ZNF564: variants seen among roughly 807,000 people sequenced by gnomAD.
ZNF564 encodes zinc finger protein 564.
ZNF564 carries 5 observed loss-of-function variants against 10.5 expected under a neutral mutation model. The observed-to-expected ratio is 0.48, with a 90% CI of 0.25 to 1.00. ZNF564 has a LOEUF of 1.00. Among genes scored for constraint, ZNF564 ranks in the 50% least tolerant of loss-of-function variants. The probability of loss-of-function intolerance (pLI) is 0.16; values close to 1 mark genes in which losing one functional copy is unlikely to be tolerated. For synonymous variants in ZNF564, 242 were observed against 218.1 expected (o/e 1.11, Z -0.97); for missense variants, 603 against 669.7 (o/e 0.90, Z 1.10).
At chr19:12,546,230 A>G in intron 1 of ZNF564, among the ~76,000 whole-genome samples, 1 of 152,210 alleles carries the variant, frequency 6.6e-6, no homozygotes, top group East Asian at 1.9e-4. Flanking sequence ...TGCAGAAATT[A>G]CACTCTGACT....
Position 12,526,665 on chromosome 19 carries a change from T to G in ZNF564, c.1443A>C (p.Glu481Asp), listed in dbSNP as rs778360398. The change falls in exon 4 of 4, where the codon GAA becomes GAC. Residue 481 changes from glutamate to aspartate, a missense_variant. Glu to Asp is a conservative substitution (Grantham distance 45). Coordinates refer to ENST00000339282, the MANE Select transcript of ZNF564 (RefSeq NM_144976.4). ...TGGCATAATTGAATGCTTTCCCACA[T>G]TCTTTACATTCATAGGGTTTTTCTC... is the stretch of plus-strand genomic sequence containing the variant. ...HTGEKPYECK[E>D]CGKAFNYASS... The G allele has an allele frequency of 2.5e-6, 4 of 1,614,062 alleles. No homozygotes were observed. In the African/African-American group the frequency reaches 5.3e-5, roughly 22 times the overall value.
At chr19:12,539,790 T>A (rs1213447181) in intron 1 of ZNF564, among the ~76,000 whole-genome samples, 16 of 150,956 alleles carry the variant, frequency 1.1e-4, no homozygotes, top group African/African-American at 2.7e-4. Flanking sequence ...CCTGGCTAAC[T>A]CGGTGAAACC....
In ZNF564 at chr19:12,527,082, A is replaced by G. The variant is rs190052583; in HGVS notation, c.1026T>C (p.Cys342=). The part of the protein sequence containing the change: ...TGEKPYECNK[C]GKTFSSSSNV... ...TACTGGAAGAACTGAAGGTTTTACC[A>G]CATTTATTACATTCATAGGGTTTCT... The change falls in exon 4 of 4, where the codon TGT becomes TGC. Residue 342 remains cysteine (C), a synonymous_variant. Coordinates refer to ENST00000339282, the MANE Select transcript of ZNF564 (RefSeq NM_144976.4). 3.1e-4 allele frequency: 498 copies of G among 1,614,124 alleles called. 6 individuals carry two copies. In the East Asian group the frequency reaches 6.7e-3, roughly 22 times the overall value.
At chr19:12,533,128 C>T (rs2021840388) in intron 1 of ZNF564, among the ~76,000 whole-genome samples, 1 of 152,002 alleles carries the variant, frequency 6.6e-6, no homozygotes, top group Admixed American at 6.6e-5. Flanking sequence ...TAAAACACAC[C>T]TTAATATGAA....
intron 1 of ZNF564, among the ~76,000 whole-genome samples, chr19:12,535,185 C>A (rs570259221): frequency 6.6e-6 from 1 of 151,854 alleles, no homozygotes; most frequent in Admixed American, 6.6e-5. Flanking sequence ...ACCAGCCTGA[C>A]CAAACGGTGA....
At chr19:12,548,115 T>A (rs2022187653) in intron 1 of ZNF564, 3 of 975,072 alleles carry the variant, frequency 3.1e-6, no homozygotes, top group Admixed American at 6.2e-5. Flanking sequence ...GTTTCACTTA[T>A]TTTTAAGTAA....
At chr19:12,528,742 A>G (rs1185148882) in intron 1 of ZNF564, 46 bp from the exon 2 acceptor site, 2 of 1,575,188 alleles carry the variant, frequency 1.3e-6, no homozygotes, top group Non-Finnish European at 1.7e-6. Flanking sequence ...ATGAGATGAC[A>G]GTACAGGGAT....
chr19:12,541,614 G>A (rs1481095311), intron 1 of ZNF564: 2 of 151,870 alleles, frequency 1.3e-5, no homozygotes, highest in South Asian at 2.1e-4. Flanking sequence ...CCTTAGAAAA[G>A]AGGCTGAATA....
In ZNF564 at chr19:12,541,086, AAAG is replaced by A. The variant is rs1378473143; in HGVS notation, c.3+10241_3+10243del. ...CTCTACAAAAAAAAAAAAAAAAAAA[AAAG>A]AAACACAAAAATTAGCTGGGTGTGG... On this transcript the variant is annotated intron_variant, in intron 1 of 3. Coordinates refer to ENST00000339282, the MANE Select transcript of ZNF564 (RefSeq NM_144976.4). Among the ~76,000 whole-genome samples, 769 of 140,878 alleles carry A rather than the reference AAAG, an allele frequency of 5.5e-3. 4 individuals are homozygous for A. The highest frequency in any genetic ancestry group is 0.014 in the African/African-American group (471 of 33,536). The allele number at this position is 140,878 out of a possible 152,430, so 92.4% of individuals were successfully genotyped here.
chr19:12,529,878 G>C (rs2021766467), intron 1 of ZNF564: 1 of 151,700 alleles, frequency 6.6e-6, no homozygotes, highest in South Asian at 2.1e-4. Context: ...CAGCTACTTG[G>C]GAGGCTGAGG....
chr19:12,534,124 G>A (rs529955937), intron 1 of ZNF564, among the ~76,000 whole-genome samples: 1 of 152,202 alleles, frequency 6.6e-6, no homozygotes, highest in South Asian at 2.1e-4. Context: ...GAAACTAGAT[G>A]CTTTCTACAC....
chr19:12,526,290 T>C lies in ZNF564; in HGVS notation c.*156A>G. 1 of 781,002 alleles carries C rather than the reference T, an allele frequency of 1.3e-6. No homozygotes were observed. The allele number at this position is 781,002 out of a possible 1,614,324, so 48.4% of individuals were successfully genotyped here. ...GTGAAAACCAAACTAGTCATGTATT[T>C]CCAAAATATGAGACAGGCACAGGAT... is the stretch of plus-strand genomic sequence containing the variant. On this transcript the variant is annotated 3_prime_UTR_variant, in exon 4 of 4. Coordinates refer to ENST00000339282, the MANE Select transcript of ZNF564 (RefSeq NM_144976.4).
chr19:12,527,069 T>C lies in ZNF564; in HGVS notation c.1039A>G (p.Ser347Gly), dbSNP rs778277393. ...TGTGTTCGAACATTACTGGAAGAAC[T>C]GAAGGTTTTACCACATTTATTACAT... Reference protein sequence around the residue: ...YECNKCGKTFSSSSNVRTHER... With the variant: ...YECNKCGKTFGSSSNVRTHER... The change falls in exon 4 of 4, where the codon AGT becomes GGT. Residue 347 changes from serine (S) to glycine (G), a missense_variant. Coordinates refer to ENST00000339282, the MANE Select transcript of ZNF564 (RefSeq NM_144976.4). The C allele has an allele frequency of 2.5e-6, 4 of 1,614,108 alleles. No individual in the cohort carries two copies. The highest frequency in any genetic ancestry group is 3.4e-6 in the Non-Finnish European group (4 of 1,180,014).
At chr19:12,541,152 G>A (rs148802093) in intron 1 of ZNF564, among the ~76,000 whole-genome samples, 55 of 150,810 alleles carry the variant, frequency 3.6e-4, no homozygotes, top group African/African-American at 1.1e-3. Flanking sequence ...CAAGAGGCTC[G>A]AGGGAGGAGG....
intron 1 of ZNF564, among the ~76,000 whole-genome samples, chr19:12,532,310 C>T (rs1038890588): frequency 2.2e-4 from 34 of 151,358 alleles, no homozygotes; most frequent in East Asian, 1.9e-4. Flanking sequence ...CCAAGGCGGG[C>T]GGATCACGAG....
chr19:12,528,158 C>T (rs771841696), intron 3 of ZNF564, 146 bp downstream of exon 3: 2 of 871,160 alleles, frequency 2.3e-6, no homozygotes. Context: ...CAACACTGAA[C>T]ATCTATGCCA....
At chr19:12,542,222 T>C (rs190992016) in intron 1 of ZNF564, among the ~76,000 whole-genome samples, 22 of 143,200 alleles carry the variant, frequency 1.5e-4, no homozygotes, top group Admixed American at 2.9e-4. Context: ...GGCACAAGAA[T>C]TGCTTGAACC....
rs1485655609 is a variant in ZNF564, at chr19:12,528,488, A to C, written c.130+82T>G. On this transcript the variant is annotated intron_variant, in intron 2 of 3. Transcript: ENST00000339282. ...TTCACCCAAGTATTCCCTTTTCCAC[A>C]TTAGACATCATGAAAAAGCATTAAA... is the stretch of plus-strand genomic sequence containing the variant. 8 of 1,593,112 alleles carry C rather than the reference A, an allele frequency of 5.0e-6. No homozygotes were observed. In the African/African-American group the frequency reaches 1.1e-4, roughly 22 times the overall value.
intron 1 of ZNF564, chr19:12,548,816 A>C: frequency 1.4e-6 from 1 of 702,954 alleles, no homozygotes; most frequent in Non-Finnish European, 2.6e-6. Flanking sequence ...ACCAAAGTCC[A>C]GATGAAAGGA....
Sources: gnomAD v4.1 joint callset for allele counts (sites outside exome capture counted in the v4.1 genomes callset) on GRCh38, gnomAD v4.1.1 for gene constraint, MANE v1.5 for transcripts, NCBI Gene and HGNC (gene_info 2026-07-23, HGNC 2026-07-21) for gene names.